Variants in ATP8A1 observed in about 807,000 individuals in gnomAD.
The protein encoded by ATP8A1 is ATPase phospholipid transporting 8A1.
A neutral mutation model predicts 177.7 loss-of-function variants in ATP8A1; 90 were observed. The ratio of observed to expected loss-of-function variants is 0.51; its 90% confidence interval spans 0.43 to 0.60. The LOEUF is 0.60. Among genes scored for constraint, ATP8A1 ranks in the 20% least tolerant of loss-of-function variants. The pLI, the probability that ATP8A1 is intolerant of heterozygous loss-of-function variation, is 0.00. For synonymous variants in ATP8A1, 493 were observed against 485.9 expected, an observed-to-expected ratio of 1.01 and a Z score of -0.19; for missense variants, 1,072 against 1,392.8, an observed-to-expected ratio of 0.77 and a Z score of 3.67.
At chr4:42,436,864 T>C (rs1716056189) in intron 33 of ATP8A1, among the ~76,000 whole-genome samples, 1 of 152,206 alleles carries the variant, frequency 6.6e-6, no homozygotes. Flanking sequence ...ATTCCTCATA[T>C]GAAAAGTAAT....
chr4:42,645,319 G>A (rs1262877611), intron 1 of ATP8A1, among the ~76,000 whole-genome samples: 2 of 152,092 alleles, frequency 1.3e-5, no homozygotes, highest in Non-Finnish European at 2.9e-5. Flanking sequence ...ATTTTCTTTG[G>A]TAAATATTTT....
chr4:42,589,334 T>C (rs951518731), intron 7 of ATP8A1, among the ~76,000 whole-genome samples: 21 of 152,192 alleles, frequency 1.4e-4, no homozygotes, highest in African/African-American at 4.3e-4. Context: ...TAAGCATGTG[T>C]ACTCAAAGCT....
intron 1 of ATP8A1, among the ~76,000 whole-genome samples, chr4:42,644,253 G>A (rs1172683765): frequency 6.6e-6 from 1 of 152,166 alleles, no homozygotes; most frequent in Non-Finnish European, 1.5e-5. Context: ...CACTTAATAA[G>A]TTCAAGGGGG....
chr4:42,600,343 CATGTTT>C, intron 6 of ATP8A1, 129 bp downstream of exon 6: 1 of 510,058 alleles, frequency 2.0e-6, no homozygotes, highest in Non-Finnish European at 3.3e-6. Context: ...AGATGCCATG[CATGTTT>C]ATATTACTAA....
chr4:42,589,369 C>G (rs1306130160), intron 7 of ATP8A1, among the ~76,000 whole-genome samples: 1 of 152,144 alleles, frequency 6.6e-6, no homozygotes, highest in African/African-American at 2.4e-5. Context: ...TTACAAATTA[C>G]AAACACCTGG....
intron 1 of ATP8A1, among the ~76,000 whole-genome samples, chr4:42,651,281 G>A (rs1268144738): frequency 6.6e-6 from 1 of 152,126 alleles, no homozygotes; most frequent in African/African-American, 2.4e-5. Context: ...ATTGGTACCA[G>A]AAGAGTGGGG....
At chr4:42,606,151 G>T (rs1330797719) in intron 5 of ATP8A1, among the ~76,000 whole-genome samples, 1 of 152,216 alleles carries the variant, frequency 6.6e-6, no homozygotes, top group Non-Finnish European at 1.5e-5. Flanking sequence ...CCATGGCACA[G>T]ATGTGTCAAT....
At chr4:42,419,423 T>C (rs541877039) in intron 35 of ATP8A1, among the ~76,000 whole-genome samples, 2 of 152,158 alleles carry the variant, frequency 1.3e-5, no homozygotes, top group Non-Finnish European at 2.9e-5. Context: ...AGTGTACCTA[T>C]AGAAGTTTAT....
intron 12 of ATP8A1, among the ~76,000 whole-genome samples, chr4:42,576,681 C>G (rs570149992): frequency 6.6e-6 from 1 of 152,014 alleles, no homozygotes; most frequent in Non-Finnish European, 1.5e-5. Context: ...GCCCATCTCT[C>G]CCATGTCTGT....
At chr4:42,556,450 C>G (rs1406000759) in intron 15 of ATP8A1, among the ~76,000 whole-genome samples, 4 of 151,934 alleles carry the variant, frequency 2.6e-5, no homozygotes, top group Non-Finnish European at 5.9e-5. Context: ...CTATTTGAGT[C>G]ATGAGAAATC....
At chr4:42,605,100 G>A (rs568607654) in intron 5 of ATP8A1, among the ~76,000 whole-genome samples, 5 of 152,222 alleles carry the variant, frequency 3.3e-5, no homozygotes, top group South Asian at 2.1e-4. Context: ...TGTGGTGATC[G>A]GTGCATAACC....
chr4:42,445,505 T>C (rs1717113348), intron 31 of ATP8A1, among the ~76,000 whole-genome samples: 1 of 152,170 alleles, frequency 6.6e-6, no homozygotes, highest in Admixed American at 6.5e-5. Context: ...ATATTGTTAG[T>C]CGTCAAGGAA....
intron 20 of ATP8A1, among the ~76,000 whole-genome samples, chr4:42,542,429 C>CT (rs1157891247): frequency 6.6e-6 from 1 of 151,886 alleles, no homozygotes; most frequent in African/African-American, 2.4e-5. Context: ...TAAAGGCTCT[C>CT]TTTTTTAAAA....
chr4:42,526,353 C>A (rs1292819077), intron 20 of ATP8A1, among the ~76,000 whole-genome samples: 1 of 152,122 alleles, frequency 6.6e-6, no homozygotes. Context: ...AAGGTTAATA[C>A]TGAGTGTCAA....
intron 25 of ATP8A1, among the ~76,000 whole-genome samples, chr4:42,474,711 A>G (rs1226449522): frequency 6.6e-6 from 1 of 152,198 alleles, no homozygotes; most frequent in Admixed American, 6.5e-5. Flanking sequence ...ACTAGGGGAA[A>G]ACAGGGATTT....
rs917934437 is a variant in ATP8A1, at chr4:42,472,224, A to T, written c.2325-7148T>A. ...TCCCAAGTGAAATTGTGGGCAAGAG[A>T]ATCTGTGTGAAACTGGATGACAGCC... On this transcript the variant is annotated intron_variant, in intron 25 of 36. Coordinates refer to ENST00000381668, the MANE Select transcript of ATP8A1 (RefSeq NM_006095.2). 8 of 587,560 alleles carry T rather than the reference A, an allele frequency of 1.4e-5. No individual in the cohort carries two copies. In the African/African-American group the frequency reaches 1.5e-4, roughly 11 times the overall value. 36.4% of individuals were successfully genotyped at this position (587,560 alleles called of 1,614,324 possible).
At chr4:42,573,904 G>C (rs1732155484) in intron 14 of ATP8A1, among the ~76,000 whole-genome samples, 1 of 152,120 alleles carries the variant, frequency 6.6e-6, no homozygotes. Flanking sequence ...TTTGACAATA[G>C]GCCAATGTCA....
intron 14 of ATP8A1, among the ~76,000 whole-genome samples, chr4:42,571,915 C>T (rs1361624242): frequency 5.3e-5 from 8 of 152,096 alleles, no homozygotes; most frequent in Admixed American, 2.6e-4. Flanking sequence ...TTCTGATGCA[C>T]GGTTTTAAGT....
rs755748061 is a variant in ATP8A1, at chr4:42,522,287, A to T, written c.1820T>A (p.Leu607Ter). 6.2e-7 allele frequency: 1 copy of T among 1,613,570 alleles called. No individual in the cohort carries two copies. Among genetic ancestry groups the T allele is most frequent in the Non-Finnish European group, 8.5e-7 (1 of 1,179,820 alleles). ...TGAAATCTCAGCCACAGCAAAACAT[A>T]AAGTTCTTAACCCTGAAAAAGATAG... ...EQFATEGLRTLCFAVAEISES... is the reference protein window; with the variant it reads ...EQFATEGLRT The change falls in exon 22 of 37, where the codon TTA (leucine) becomes TAA (stop). Residue 607 changes from leucine to a stop codon, truncating the protein, a stop_gained. Transcript: ENST00000381668. LOFTEE classifies it high-confidence loss of function.
Sources: gnomAD v4.1 joint callset for allele counts (sites outside exome capture counted in the v4.1 genomes callset) on GRCh38, gnomAD v4.1.1 for gene constraint, MANE v1.5 for transcripts, NCBI Gene and HGNC (gene_info 2026-07-23, HGNC 2026-07-21) for gene names.